Variants in NXPE2 observed in about 807,000 individuals in gnomAD.
NXPE2 encodes NXPE family member 2.
In NXPE2, 34 loss-of-function variants were observed where a neutral mutation model predicts 34.4. The ratio of observed to expected loss-of-function variants is 0.99; its 90% CI spans 0.75 to 1.31. The LOEUF (loss-of-function observed/expected upper bound fraction) is 1.31, where lower values mean the gene tolerates loss of function less well. Among genes scored for constraint, NXPE2 ranks in the 40% most tolerant of loss-of-function variants. The probability of loss-of-function intolerance (pLI) is 0.00; values close to 1 mark genes in which losing one functional copy is unlikely to be tolerated. For synonymous variants in NXPE2, 235 were observed against 231.3 expected (o/e 1.02, Z -0.15); for missense variants, 649 against 672.5 (o/e 0.97, Z 0.39).
the NXPE2 span, among the ~76,000 whole-genome samples, chr11:114,641,268 A>G: frequency 2.6e-5 from 4 of 152,028 alleles, no homozygotes; most frequent in African/African-American, 9.7e-5. Flanking sequence ...TAATATCACT[A>G]TCTATATTTT....
At chr11:114,774,923 G>A in the NXPE2 span, among the ~76,000 whole-genome samples, 1 of 152,302 alleles carries the variant, frequency 6.6e-6, no homozygotes, top group East Asian at 1.9e-4. Flanking sequence ...TTTAAAAAAT[G>A]GCTTTTCTGA....
the NXPE2 span, among the ~76,000 whole-genome samples, chr11:114,650,185 G>A: frequency 6.6e-6 from 1 of 152,180 alleles, no homozygotes; most frequent in African/African-American, 2.4e-5. Flanking sequence ...AGCCCTTTCA[G>A]GGAGAGATAA....
the NXPE2 span, among the ~76,000 whole-genome samples, chr11:114,657,838 C>T: frequency 6.6e-6 from 1 of 152,114 alleles, no homozygotes; most frequent in East Asian, 1.9e-4. Flanking sequence ...CAGCTTCCAG[C>T]CCCAATTTTA....
chr11:114,766,215 T>A, the NXPE2 span, among the ~76,000 whole-genome samples: 1 of 152,152 alleles, frequency 6.6e-6, no homozygotes, highest in East Asian at 1.9e-4. Flanking sequence ...GTTATGAACA[T>A]AGCTTAGATC....
chr11:114,585,179 G>C, the NXPE2 span, among the ~76,000 whole-genome samples: 1 of 151,644 alleles, frequency 6.6e-6, no homozygotes, highest in East Asian at 2.0e-4. Flanking sequence ...CCTGCCATCT[G>C]TCTTCCCCCA....
At chr11:114,583,305 G>T in the NXPE2 span, 3 of 634,434 alleles carry the variant, frequency 4.7e-6, no homozygotes, top group Non-Finnish European at 5.9e-6. Flanking sequence ...TACGATAGGG[G>T]TGTTGGAAAT....
chr11:114,771,783 T>C, the NXPE2 span, among the ~76,000 whole-genome samples: 1 of 152,262 alleles, frequency 6.6e-6, no homozygotes, highest in African/African-American at 2.4e-5. Flanking sequence ...GCCTTAGCCA[T>C]GGCAACGAAT....
the NXPE2 span, among the ~76,000 whole-genome samples, chr11:114,603,186 G>T: frequency 6.6e-6 from 1 of 150,758 alleles, no homozygotes; most frequent in Non-Finnish European, 1.5e-5. Flanking sequence ...TGGATGATAA[G>T]TATTGCCTCG....
chr11:114,577,046 TATATATATATAC>T, the NXPE2 span, among the ~76,000 whole-genome samples: 1 of 26,296 alleles, frequency 3.8e-5, no homozygotes, highest in Non-Finnish European at 6.7e-5. Flanking sequence ...TATATAAAGT[TATATATATATAC>T]ATATATATAT....
chr11:114,507,246 C>A, the NXPE2 span, among the ~76,000 whole-genome samples: 1 of 124,034 alleles, frequency 8.1e-6, no homozygotes, highest in East Asian at 2.1e-4. Context: ...TGCCAACCAA[C>A]CAAAAAAAAA....
At chr11:114,685,303 T>A (rs1487515074) in intron 2 of NXPE2, among the ~76,000 whole-genome samples, 1 of 152,144 alleles carries the variant, frequency 6.6e-6, no homozygotes, top group Non-Finnish European at 1.5e-5. Context: ...AGCTGCAAAG[T>A]CCAAGATCAA....
At chr11:114,644,822 AT>A in the NXPE2 span, among the ~76,000 whole-genome samples, 13 of 151,814 alleles carry the variant, frequency 8.6e-5, no homozygotes, top group African/African-American at 2.9e-4. Context: ...CCAGATATCA[AT>A]TTAAAAAAAA....
the NXPE2 span, among the ~76,000 whole-genome samples, chr11:114,664,253 G>A: frequency 1.3e-5 from 2 of 152,012 alleles, no homozygotes; most frequent in African/African-American, 4.8e-5. Context: ...AAAGAACACA[G>A]ACTAAAAAGG....
intron 2 of NXPE2, among the ~76,000 whole-genome samples, chr11:114,681,472 A>G (rs11605843): frequency 0.26 from 40,276 of 152,032 alleles, 5,493 homozygotes; most frequent in East Asian, 0.43. Context: ...AGGGCACAGA[A>G]ACTCACTAGG....
the NXPE2 span, among the ~76,000 whole-genome samples, chr11:114,664,725 G>A: frequency 2.2e-4 from 33 of 152,140 alleles, no homozygotes; most frequent in African/African-American, 5.6e-4. Flanking sequence ...AATAGAAACC[G>A]TACTTCCAAT....
At chr11:114,594,561 C>A in the NXPE2 span, 1 of 742,862 alleles carries the variant, frequency 1.3e-6, no homozygotes, top group African/African-American at 1.8e-5. Flanking sequence ...TTCAAACTCC[C>A]CTCCTATAAT....
At chr11:114,729,183 C>T in the NXPE2 span, among the ~76,000 whole-genome samples, 21 of 152,212 alleles carry the variant, frequency 1.4e-4, no homozygotes, top group African/African-American at 5.1e-4. Flanking sequence ...GTTTTCTGTT[C>T]CTGCGTTCAG....
At position 114,706,663 on chromosome 11, in the gene NXPE2, G is replaced by A; in HGVS notation, c.1413G>A (p.Lys471=). Residue 471 remains lysine, a synonymous_variant, in exon 6 of 6, where the codon AAG becomes AAA. Transcript: ENST00000389586. ...IFIRRAINIQ[K]AIERLFLRSP... ...TCCGTAGGGCCATCAATATTCAAAAGGCCATTGAACGTCTATTCTTGCGAA... is the reference window on the plus strand; with the variant it reads ...TCCGTAGGGCCATCAATATTCAAAAAGCCATTGAACGTCTATTCTTGCGAA... The A allele has an allele frequency of 5.8e-6, 9 of 1,551,976 alleles. No homozygotes were observed. Among genetic ancestry groups the A allele is most frequent in the Non-Finnish European group, 7.8e-6 (9 of 1,147,028 alleles).
chr11:114,795,282 G>C, the NXPE2 span, among the ~76,000 whole-genome samples: 2 of 152,232 alleles, frequency 1.3e-5, no homozygotes, highest in Admixed American at 6.5e-5. Flanking sequence ...AAAGACTCTA[G>C]GAATTTCAGA....
Sources: allele counts gnomAD v4.1 joint callset (sites outside exome capture counted in the v4.1 genomes callset), GRCh38; gene constraint gnomAD v4.1.1; transcripts MANE v1.5; gene names NCBI Gene and HGNC (gene_info 2026-07-23, HGNC 2026-07-21).